KIAA0930: variants seen among roughly 807,000 people sequenced by gnomAD.
KIAA0930 encodes the protein uncharacterized protein KIAA0930.
KIAA0930 carries 24 observed loss-of-function variants against 43.9 expected under a neutral mutation model. That is an observed-to-expected ratio of 0.55 (90% CI 0.40 to 0.77). The LOEUF is 0.77. Among genes scored for constraint, KIAA0930 ranks in the 30% least tolerant of loss-of-function variants. The probability of loss-of-function intolerance (pLI) is 0.00; values close to 1 mark genes in which losing one functional copy is unlikely to be tolerated. For missense variants in KIAA0930, 461 were observed against 574.2 expected, an observed-to-expected ratio of 0.80 and a Z score of 2.02; for synonymous variants, 259 against 216.4, an observed-to-expected ratio of 1.20 and a Z score of -1.73.
At chr22:45,235,215 A>T (rs979920353) in intron 1 of KIAA0930, 2 of 152,294 alleles carry the variant, frequency 1.3e-5, no homozygotes, top group Non-Finnish European at 1.5e-5. Flanking sequence ...ATGACTCCCC[A>T]AGGCCCCTGA....
intron 1 of KIAA0930, among the ~76,000 whole-genome samples, chr22:45,218,419 G>A (rs1372666760): frequency 7.4e-6 from 1 of 134,380 alleles, no homozygotes; most frequent in Non-Finnish European, 1.5e-5. Flanking sequence ...CCTGACCTCA[G>A]GTGATCCACC....
intron 3 of KIAA0930, 23 bp downstream of exon 3, chr22:45,205,770 G>GGGCCCCCCC: frequency 6.6e-7 from 1 of 1,523,782 alleles, no homozygotes; most frequent in Non-Finnish European, 9.1e-7. Context: ...CCAATCCGCA[G>GGGCCCCCCC]CCCCACCCAT....
Position 45,205,777 on chromosome 22 carries a change from C to CCCA in KIAA0930, c.336+15_336+16insTGG. Reference sequence around the variant, plus strand: ...CCACAGGGCCAATCCGCAGCCCCACCCATCCCACCCCATACCTTCTGCAGG... The same window carrying CCCA: ...CCACAGGGCCAATCCGCAGCCCCACCCCACATCCCACCCCATACCTTCTGCAGG... On this transcript the variant is annotated intron_variant, in intron 3 of 9. Coordinates refer to ENST00000336156, the MANE Select transcript of KIAA0930 (RefSeq NM_001009880.2). 2 of 1,553,530 alleles carry CCCA rather than the reference C, an allele frequency of 1.3e-6. No individual in the cohort carries two copies. Among genetic ancestry groups the CCCA allele is most frequent in the African/African-American group, 1.4e-5 (1 of 72,824 alleles).
chr22:45,231,943 A>C (rs1237525227), intron 1 of KIAA0930, among the ~76,000 whole-genome samples: 1 of 152,214 alleles, frequency 6.6e-6, no homozygotes, highest in African/African-American at 2.4e-5. Flanking sequence ...GTGAGCCGAG[A>C]TCGCGCCACT....
chr22:45,213,092 G>A (rs546427167), intron 1 of KIAA0930, among the ~76,000 whole-genome samples: 2 of 152,244 alleles, frequency 1.3e-5, no homozygotes, highest in African/African-American at 2.4e-5. Context: ...GATGGGGAAC[G>A]TGAGGGCCAG....
intron 1 of KIAA0930, among the ~76,000 whole-genome samples, chr22:45,232,746 G>C (rs1186474776): frequency 2.0e-5 from 3 of 152,208 alleles, no homozygotes; most frequent in African/African-American, 2.4e-5. Context: ...TCTCCCAGGA[G>C]AATGCCCATC....
At chr22:45,236,481 C>T (rs2083889346) in intron 1 of KIAA0930, among the ~76,000 whole-genome samples, 1 of 152,126 alleles carries the variant, frequency 6.6e-6, no homozygotes, top group Admixed American at 6.5e-5. Context: ...TGTCCACAAA[C>T]CCCTCCCATG....
chr22:45,211,089 G>T (rs182781502), intron 2 of KIAA0930, among the ~76,000 whole-genome samples: 15 of 152,246 alleles, frequency 9.9e-5, no homozygotes. Flanking sequence ...TCCATCCCGC[G>T]TGTGTTCAGG....
chr22:45,233,894 T>C (rs893197153), intron 1 of KIAA0930, among the ~76,000 whole-genome samples: 1 of 152,202 alleles, frequency 6.6e-6, no homozygotes, highest in Non-Finnish European at 1.5e-5. Flanking sequence ...CAGCACCGCA[T>C]GCAGGAGGGA....
rs757733630 is a variant in KIAA0930, at chr22:45,196,196, T to A, written c.*980A>T. Reference sequence around the variant, plus strand: ...TCACACGAACCAATGGGGGTGCCCATGTGAGCCTCTGAGCAACTCCTCTGC... The same window carrying A: ...TCACACGAACCAATGGGGGTGCCCAAGTGAGCCTCTGAGCAACTCCTCTGC... On this transcript the variant is annotated 3_prime_UTR_variant, in exon 10 of 10. Coordinates refer to ENST00000336156, the MANE Select transcript of KIAA0930 (RefSeq NM_001009880.2). This position sits in a 1 kb window ranked among gnomAD's most constrained non-coding sequence, Gnocchi z 4.1. The A allele has an allele frequency of 2.0e-5, 3 of 152,218 alleles. No individual in the cohort carries two copies. The highest frequency in any genetic ancestry group is 4.4e-5 in the Non-Finnish European group (3 of 68,058). The allele number at this position is 152,218 out of a possible 1,614,324, so 9.4% of individuals were successfully genotyped here.
Position 45,231,691 on chromosome 22 carries a change from G to A in KIAA0930, c.64+8949C>T, listed in dbSNP as rs1047380491. ...CACTCAGACAGGGGTAAAAACTGCA[G>A]AGAAGGTAAGAAATTAACAGGCACA... is the stretch of plus-strand genomic sequence containing the variant. On this transcript the variant is annotated intron_variant, in intron 1 of 9. Coordinates refer to ENST00000336156, the MANE Select transcript of KIAA0930 (RefSeq NM_001009880.2). Among the ~76,000 whole-genome samples, 3 of 152,308 alleles carry A rather than the reference G, an allele frequency of 2.0e-5. No homozygotes were observed. In the South Asian group the frequency reaches 6.2e-4, roughly 32 times the overall value.
At chr22:45,225,347 C>T (rs1196449324) in intron 1 of KIAA0930, among the ~76,000 whole-genome samples, 1 of 152,206 alleles carries the variant, frequency 6.6e-6, no homozygotes, top group African/African-American at 2.4e-5. Flanking sequence ...TGAGTCCCCA[C>T]GTGAGCAGTG....
chr22:45,205,382 C>A lies in KIAA0930; in HGVS notation c.415-64G>T, dbSNP rs776132711. 2.5e-5 allele frequency: 36 copies of A among 1,454,628 alleles called. No individual in the cohort carries two copies. In the African/African-American group the frequency reaches 4.2e-4, roughly 17 times the overall value. The allele number at this position is 1,454,628 out of a possible 1,614,324, so 90.1% of individuals were successfully genotyped here. A position where few individuals can be genotyped will look rare whatever the true frequency, so the allele number is the denominator to read the frequency against. ...CCCGGCACACAGGCCCAGAGCCAGT[C>A]CAAGCCAGTATAGGGAGGCCACCCG... On this transcript the variant is annotated intron_variant, in intron 4 of 9. Transcript: ENST00000336156.
intron 1 of KIAA0930, among the ~76,000 whole-genome samples, chr22:45,217,697 C>A (rs1404663603): frequency 6.6e-6 from 1 of 152,194 alleles, no homozygotes; most frequent in Non-Finnish European, 1.5e-5. Flanking sequence ...TTCGACACTG[C>A]ATGAATGTCA....
In KIAA0930 at chr22:45,198,028, G is replaced by A; in HGVS notation, c.1016-80C>T. On this transcript the variant is annotated intron_variant, in intron 8 of 9. Coordinates refer to ENST00000336156, the MANE Select transcript of KIAA0930 (RefSeq NM_001009880.2). ...AGCAGGAGGCCAGCTCCCAGTCCAG[G>A]CTGAGGCCAAACTCTGCTGAGGCCA... The A allele has an allele frequency of 1.3e-5, 19 of 1,456,686 alleles. No individual in the cohort carries two copies. In the South Asian group the frequency reaches 2.3e-4, roughly 17 times the overall value. 90.2% of individuals were successfully genotyped at this position (1,456,686 alleles called of 1,614,324 possible).
chr22:45,210,839 G>A (rs900687177), intron 2 of KIAA0930, among the ~76,000 whole-genome samples: 1 of 65,262 alleles, frequency 1.5e-5, no homozygotes, highest in Admixed American at 1.5e-4. Context: ...CACTGAAACT[G>A]CTGCGCCAAG....
chr22:45,213,329 A>C, intron 1 of KIAA0930: 1 of 1,303,590 alleles, frequency 7.7e-7, no homozygotes, highest in South Asian at 1.2e-5. Flanking sequence ...ACCCACTCCC[A>C]TGCCCTGCCT....
intron 8 of KIAA0930, among the ~76,000 whole-genome samples, chr22:45,199,463 G>C (rs1245839399): frequency 2.0e-5 from 3 of 152,208 alleles, no homozygotes; most frequent in Non-Finnish European, 4.4e-5. Context: ...CTCACCCTGA[G>C]GGCGAGCTGG....
intron 1 of KIAA0930, among the ~76,000 whole-genome samples, chr22:45,227,900 G>A (rs917323228): frequency 2.6e-5 from 4 of 152,204 alleles, no homozygotes; most frequent in African/African-American, 7.2e-5. Context: ...AGCAGCTAAC[G>A]AGCTCCCACT....
Sources: gnomAD v4.1 joint callset for allele counts (sites outside exome capture counted in the v4.1 genomes callset) on GRCh38, gnomAD v4.1.1 for gene constraint, Gnocchi (gnomAD v3.1) non-coding constraint, MANE v1.5 for transcripts, NCBI Gene and HGNC (gene_info 2026-07-23, HGNC 2026-07-21) for gene names.